The following MED6 variants were observed in gnomAD, a reference collection of about 807,000 sequenced individuals.
The protein encoded by MED6 is mediator complex subunit 6, also known as mediator of RNA polymerase II transcription subunit 6.
MED6 carries 33 observed loss-of-function variants against 37.5 expected under a neutral mutation model. The ratio of observed to expected loss-of-function variants is 0.88; its 90% CI spans 0.67 to 1.18. MED6 has a LOEUF of 1.18. MED6 is among the 50% of genes most tolerant of loss of function. The pLI, the probability that MED6 is intolerant of heterozygous loss-of-function variation, is 0.00. For missense variants in MED6, 235 were observed against 290.6 expected, an observed-to-expected ratio of 0.81 and a Z score of 1.39; for synonymous variants, 94 against 93.6, an observed-to-expected ratio of 1.00 and a Z score of -0.02.
At chr14:70,595,582 T>A (rs1885019512) in intron 3 of MED6, 5 of 721,702 alleles carry the variant, frequency 6.9e-6, no homozygotes, top group Admixed American at 2.1e-5. Flanking sequence ...GAGTTGGAGC[T>A]GGCACAGGCC....
chr14:70,589,426 C>T (rs1290490818), intron 6 of MED6, among the ~76,000 whole-genome samples: 1 of 152,184 alleles, frequency 6.6e-6, no homozygotes, highest in African/African-American at 2.4e-5. Context: ...CTTGCAACTA[C>T]TTTTAAATAC....
At chr14:70,594,815 C>T in intron 3 of MED6, 2 of 631,050 alleles carry the variant, frequency 3.2e-6, no homozygotes, top group Non-Finnish European at 5.9e-6. Context: ...CCTGAACCTA[C>T]CCTGGTTCAA....
intron 7 of MED6, 147 bp downstream of exon 7, chr14:70,585,609 C>T (rs1417002802): frequency 3.8e-6 from 2 of 532,944 alleles, no homozygotes; most frequent in Non-Finnish European, 6.2e-6. Context: ...TATGTGTGAC[C>T]CAAGACAATT....
intron 6 of MED6, among the ~76,000 whole-genome samples, chr14:70,587,103 G>C (rs67358716): frequency 0.059 from 8,958 of 152,212 alleles, 448 homozygotes; most frequent in African/African-American, 0.13. Flanking sequence ...CACACCTTGG[G>C]TACCAGGTCT....
At chr14:70,591,226 G>T in intron 6 of MED6, 40 bp downstream of exon 6, 1 of 1,404,134 alleles carries the variant, frequency 7.1e-7, no homozygotes. Context: ...ATGCCATAAA[G>T]AAGTGTCAAA....
chr14:70,590,025 T>C (rs1431567117), intron 6 of MED6, among the ~76,000 whole-genome samples: 1 of 152,242 alleles, frequency 6.6e-6, no homozygotes, highest in Non-Finnish European at 1.5e-5. Context: ...TATTTCAACA[T>C]ATAATCAATA....
chr14:70,592,892 G>C lies in MED6; in HGVS notation c.454C>G (p.His152Asp). The change falls in exon 5 of 8, where the codon CAT (histidine) becomes GAT (aspartate). Residue 152 changes from histidine to aspartate, a missense_variant. By Grantham distance (81) the His-to-Asp change is moderately conservative. Coordinates refer to ENST00000256379, the MANE Select transcript of MED6 (RefSeq NM_005466.4). ...SKGYWWHFKD[H>D]EEQDKVRPKA... The stretch of plus-strand genomic sequence containing the variant: ...ATGTTCTACTTACCTTGCTCTTCAT[G>C]ATCTTTGAAGTGCCACCAATACCCT... 6.2e-7 allele frequency: 1 copy of C among 1,613,772 alleles called. No individual in the cohort carries two copies. The highest frequency in any genetic ancestry group is 1.1e-5 in the South Asian group (1 of 91,054).
At chr14:70,594,880 C>T in intron 3 of MED6, 1 of 654,326 alleles carries the variant, frequency 1.5e-6, no homozygotes, top group Admixed American at 1.8e-5. Flanking sequence ...GAACCAGAGG[C>T]TAGAGAGCAA....
At chr14:70,597,367 CA>C (rs1413459881) in intron 2 of MED6, among the ~76,000 whole-genome samples, 1 of 152,104 alleles carries the variant, frequency 6.6e-6, no homozygotes, top group East Asian at 1.9e-4. Flanking sequence ...GTAGCATTGC[CA>C]AAATCACTCA....
intron 6 of MED6, among the ~76,000 whole-genome samples, chr14:70,587,199 T>C (rs867166368): frequency 6.6e-6 from 1 of 152,206 alleles, no homozygotes; most frequent in Non-Finnish European, 1.5e-5. Flanking sequence ...TGTAACCTCT[T>C]AAGGGAAGGA....
intron 1 of MED6, among the ~76,000 whole-genome samples, chr14:70,600,054 C>T (rs1396579793): frequency 6.6e-6 from 1 of 152,032 alleles, no homozygotes; most frequent in Non-Finnish European, 1.5e-5. Context: ...TATTCACTGA[C>T]TGATTCAATA....
Position 70,583,588 on chromosome 14 carries a change from A to C in MED6, c.*1225T>G, listed in dbSNP as rs1884610034. ...AGGAAATAAATACCAAACACTGAAAAGGCATTATACAAAGATATAATCACA... is the reference window on the plus strand; with the variant it reads ...AGGAAATAAATACCAAACACTGAAACGGCATTATACAAAGATATAATCACA... On this transcript the variant is annotated 3_prime_UTR_variant, in exon 8 of 8. Coordinates refer to ENST00000256379, the MANE Select transcript of MED6 (RefSeq NM_005466.4). The C allele has an allele frequency of 2.6e-5, 4 of 152,256 alleles. No homozygotes were observed. The highest frequency in any genetic ancestry group is 2.6e-4 in the Admixed American group (4 of 15,276). 9.4% of individuals were successfully genotyped at this position (152,256 alleles called of 1,614,324 possible).
At chr14:70,593,094 G>A in intron 4 of MED6, 106 bp from the exon 5 acceptor site, 2 of 1,470,098 alleles carry the variant, frequency 1.4e-6, no homozygotes, top group South Asian at 2.4e-5. Context: ...CTATTTTTCA[G>A]AACCTAAATT....
intron 1 of MED6, among the ~76,000 whole-genome samples, chr14:70,599,886 G>T (rs921193258): frequency 2.6e-5 from 4 of 151,590 alleles, no homozygotes; most frequent in African/African-American, 9.7e-5. Context: ...GTATAAATGA[G>T]AATATTTGTA....
At chr14:70,589,572 T>A (rs1884811535) in intron 6 of MED6, among the ~76,000 whole-genome samples, 1 of 152,212 alleles carries the variant, frequency 6.6e-6, no homozygotes, top group Non-Finnish European at 1.5e-5. Flanking sequence ...TGGTTTGGTC[T>A]GCCTTTGGTT....
chr14:70,585,092 C>G (rs1884665223), intron 7 of MED6, 149 bp from the exon 8 acceptor site: 1 of 918,214 alleles, frequency 1.1e-6, no homozygotes, highest in East Asian at 2.6e-5. Context: ...CAGATGTATA[C>G]AAGAACCCAG....
chr14:70,585,370 A>G (rs953065286), intron 7 of MED6, among the ~76,000 whole-genome samples: 3 of 146,408 alleles, frequency 2.0e-5, no homozygotes, highest in African/African-American at 8.3e-5. Flanking sequence ...CACTACCACA[A>G]TCACTACCAC....
At position 70,584,870 on chromosome 14, in the gene MED6, A is replaced by C. The variant is rs756078852; in HGVS notation, c.684T>G (p.Asn228Lys). 1.2e-6 allele frequency: 2 copies of C among 1,614,062 alleles called. No individual in the cohort carries two copies. Among genetic ancestry groups the C allele is most frequent in the Non-Finnish European group, 1.7e-6 (2 of 1,179,998 alleles). ...CTTTAGCACTCACTGTCTGTTGTAC[A>C]TTCTTTGTGGTCTCCTTCTCCTCAG... ...VKPEEKETTK[N>K]VQQTVSAKGP... Residue 228 changes from asparagine (N) to lysine (K), a missense_variant, in exon 8 of 8, where the codon AAT becomes AAG. Physicochemically the swap from Asn to Lys is moderately conservative, Grantham distance 94. Coordinates refer to ENST00000256379, the MANE Select transcript of MED6 (RefSeq NM_005466.4).
intron 1 of MED6, 119 bp downstream of exon 1, chr14:70,600,497 A>T: frequency 8.6e-7 from 1 of 1,163,602 alleles, no homozygotes; most frequent in Non-Finnish European, 1.2e-6. Flanking sequence ...TGTCCACAAA[A>T]ACCACTCAAA....
Sources: allele counts gnomAD v4.1 joint callset (sites outside exome capture counted in the v4.1 genomes callset), GRCh38; gene constraint gnomAD v4.1.1; transcripts MANE v1.5; gene names NCBI Gene and HGNC (gene_info 2026-07-23, HGNC 2026-07-21).